Variants in PAPSS1 observed in about 807,000 individuals in gnomAD.
PAPSS1 encodes bifunctional 3'-phosphoadenosine 5'-phosphosulfate synthase 1.
Under a neutral mutation model 72.0 loss-of-function variants are expected in PAPSS1, and 50 were observed. The observed-to-expected ratio is 0.69, with a 90% CI of 0.55 to 0.88. PAPSS1 has a LOEUF of 0.88. Ranked by LOEUF, PAPSS1 falls within the 40% of genes least tolerant of loss-of-function variation. PAPSS1 has a pLI of 0.00. For missense variants in PAPSS1, 657 were observed against 782.2 expected (o/e 0.84, Z 1.91); for synonymous variants, 261 against 263.6 (o/e 0.99, Z 0.09).
intron 11 of PAPSS1, among the ~76,000 whole-genome samples, chr4:107,620,400 A>C (rs1725925244): frequency 6.6e-6 from 1 of 152,220 alleles, no homozygotes. Flanking sequence ...GTTTGACATC[A>C]TACATGACAA....
chr4:107,656,965 T>C lies in PAPSS1; in HGVS notation c.826A>G (p.Thr276Ala). 2 of 1,613,994 alleles carry C rather than the reference T, an allele frequency of 1.2e-6. No individual in the cohort carries two copies. The highest frequency in any genetic ancestry group is 1.7e-6 in the Non-Finnish European group (2 of 1,179,926). ...WVQVLAEGWATPLNGFMRERE... is the reference protein window; with the variant it reads ...WVQVLAEGWAAPLNGFMRERE... ...TCTCTCATAAAGCCATTCAATGGGG[T>C]TGCCCAACCTTCTGCCAAAACCTGC... Residue 276 changes from threonine to alanine, a missense_variant, in exon 7 of 12, where the codon ACC (threonine) becomes GCC (alanine). Coordinates refer to ENST00000265174, the MANE Select transcript of PAPSS1 (RefSeq NM_005443.5).
chr4:107,618,374 T>C (rs1725876367), intron 11 of PAPSS1, among the ~76,000 whole-genome samples: 2 of 121,148 alleles, frequency 1.7e-5, no homozygotes, highest in South Asian at 4.5e-4. Flanking sequence ...TGAGATGTGA[T>C]TTTTTTTTTT....
At chr4:107,617,754 T>C (rs1452699736) in intron 11 of PAPSS1, among the ~76,000 whole-genome samples, 3 of 152,186 alleles carry the variant, frequency 2.0e-5, no homozygotes, top group South Asian at 2.1e-4. Context: ...TTAACAGATA[T>C]TGCTTCAAAA....
chr4:107,660,463 A>G (rs1727148002), intron 5 of PAPSS1, among the ~76,000 whole-genome samples: 1 of 152,144 alleles, frequency 6.6e-6, no homozygotes, highest in African/African-American at 2.4e-5. Context: ...CAGCTTTTAT[A>G]TATACCTTTA....
chr4:107,716,396 T>C (rs555835214), intron 1 of PAPSS1, among the ~76,000 whole-genome samples: 1 of 152,334 alleles, frequency 6.6e-6, no homozygotes, highest in South Asian at 2.1e-4. Context: ...GACAGAAAGT[T>C]GGGCTGGAGC....
intron 11 of PAPSS1, among the ~76,000 whole-genome samples, chr4:107,622,990 A>G (rs1726007506): frequency 6.6e-6 from 1 of 152,230 alleles, no homozygotes; most frequent in Non-Finnish European, 1.5e-5. Flanking sequence ...CAATTATACT[A>G]CAAGTCCTAC....
chr4:107,613,865 C>T lies in PAPSS1; in HGVS notation c.*384G>A, dbSNP rs1210507779. 3 of 152,576 alleles carry T rather than the reference C, an allele frequency of 2.0e-5. No individual in the cohort carries two copies. The highest frequency in any genetic ancestry group is 1.5e-5 in the Non-Finnish European group (1 of 68,720). 9.5% of individuals were successfully genotyped at this position (152,576 alleles called of 1,614,324 possible). ...GTAAAATCCTCAAAACAAGGTCTAG[C>T]CAAGTTTATTGTTTGGTAATTTTTT... On this transcript the variant is annotated 3_prime_UTR_variant, in exon 12 of 12. Coordinates refer to ENST00000265174, the MANE Select transcript of PAPSS1 (RefSeq NM_005443.5).
chr4:107,627,869 T>C (rs1726138243), intron 11 of PAPSS1, among the ~76,000 whole-genome samples: 1 of 152,158 alleles, frequency 6.6e-6, no homozygotes, highest in African/African-American at 2.4e-5. Context: ...ACATATATAG[T>C]ATATATACAC....
At chr4:107,681,939 A>AT (rs201253920) in intron 5 of PAPSS1, 76 bp downstream of exon 5, 1,168 of 720,054 alleles carry the variant, frequency 1.6e-3, no homozygotes, top group South Asian at 2.1e-3. Context: ...TAACACCACC[A>AT]TTTTTTTTTG....
At chr4:107,685,867 G>A (rs1578421775) in intron 4 of PAPSS1, among the ~76,000 whole-genome samples, 1 of 152,192 alleles carries the variant, frequency 6.6e-6, no homozygotes, top group Non-Finnish European at 1.5e-5. Context: ...GAGAGCTCCT[G>A]GGAGTTTCTG....
At chr4:107,704,471 T>C (rs1190767594) in intron 1 of PAPSS1, among the ~76,000 whole-genome samples, 2 of 152,252 alleles carry the variant, frequency 1.3e-5, no homozygotes. Context: ...TTGAGTATGA[T>C]GTCAGTTGTG....
At chr4:107,647,576 G>A (rs762180046) in intron 9 of PAPSS1, among the ~76,000 whole-genome samples, 14 of 152,014 alleles carry the variant, frequency 9.2e-5, no homozygotes, top group East Asian at 1.9e-4. Context: ...TAAAAACCAC[G>A]AAACCCAATA....
chr4:107,619,848 TAAAAC>T (rs1560562063), intron 11 of PAPSS1, among the ~76,000 whole-genome samples: 3 of 152,140 alleles, frequency 2.0e-5, no homozygotes, highest in Non-Finnish European at 2.9e-5. Context: ...TGCTAGCTCT[TAAAAC>T]AAAAGAGAAG....
At chr4:107,663,208 C>T (rs1034869186) in intron 5 of PAPSS1, among the ~76,000 whole-genome samples, 9 of 151,922 alleles carry the variant, frequency 5.9e-5, no homozygotes, top group African/African-American at 1.5e-4. Context: ...TCAAAACCAA[C>T]GAGATACAAA....
chr4:107,701,280 C>T lies in PAPSS1; in HGVS notation c.66G>A (p.Met22Ile), dbSNP rs1306948042. ...KLSNNAQNWGMQRATNVTYQA... is the reference protein window; with the variant it reads ...KLSNNAQNWGIQRATNVTYQA... ...GGTAGGTGACATTGGTTGCTCTCTGCATTCCCTAGAAAAAAAAGAAAAAAA... is the reference window on the plus strand; with the variant it reads ...GGTAGGTGACATTGGTTGCTCTCTGTATTCCCTAGAAAAAAAAGAAAAAAA... The change falls in exon 2 of 12, where the codon ATG (methionine) becomes ATA (isoleucine). Residue 22 changes from methionine to isoleucine, a missense_variant. Transcript: ENST00000265174. The T allele has an allele frequency of 4.4e-6, 7 of 1,603,506 alleles. No homozygotes were observed. The Admixed American group carries it at 1.0e-4, about 23-fold the overall frequency.
intron 9 of PAPSS1, among the ~76,000 whole-genome samples, chr4:107,647,595 T>C (rs1421441671): frequency 6.6e-6 from 1 of 152,356 alleles, no homozygotes; most frequent in Non-Finnish European, 1.5e-5. Flanking sequence ...TAAAATTTGA[T>C]GAGAAAATCA....
At chr4:107,687,485 T>C (rs1293885329) in intron 3 of PAPSS1, among the ~76,000 whole-genome samples, 2 of 152,184 alleles carry the variant, frequency 1.3e-5, no homozygotes, top group Non-Finnish European at 2.9e-5. Context: ...CCAGCCTGAA[T>C]GCTGGTGTCA....
intron 2 of PAPSS1, 95 bp from the exon 3 acceptor site, chr4:107,694,101 C>T: frequency 1.1e-6 from 1 of 875,148 alleles, no homozygotes; most frequent in Non-Finnish European, 1.8e-6. Context: ...GAGTCTTGCT[C>T]TGCCACCCAG....
chr4:107,631,101 G>C (rs1463745473), intron 11 of PAPSS1, among the ~76,000 whole-genome samples: 1 of 152,088 alleles, frequency 6.6e-6, no homozygotes, highest in Non-Finnish European at 1.5e-5. Context: ...GTTTAGAATT[G>C]AGTCCCATCC....
Sources: gnomAD v4.1 joint callset for allele counts (sites outside exome capture counted in the v4.1 genomes callset) on GRCh38, gnomAD v4.1.1 for gene constraint, MANE v1.5 for transcripts, NCBI Gene and HGNC (gene_info 2026-07-23, HGNC 2026-07-21) for gene names.